Variants in RNF180 observed in about 807,000 individuals in gnomAD.
The protein encoded by RNF180 is ring finger protein 180.
RNF180 carries 38 observed loss-of-function variants against 59.2 expected under a neutral mutation model. That is an observed-to-expected ratio of 0.64 (90% CI 0.50 to 0.84). The LOEUF is 0.84. Among genes scored for constraint, RNF180 ranks in the 40% least tolerant of loss-of-function variants. The pLI, the probability that RNF180 is intolerant of heterozygous loss-of-function variation, is 0.00. For synonymous variants in RNF180, 262 were observed against 240.3 expected (o/e 1.09, Z -0.84); for missense variants, 705 against 700.9 (o/e 1.01, Z -0.07).
intron 5 of RNF180, among the ~76,000 whole-genome samples, chr5:64,250,571 A>G (rs1287655822): frequency 6.6e-6 from 1 of 152,150 alleles, no homozygotes; most frequent in Non-Finnish European, 1.5e-5. Flanking sequence ...CAGAAATGAA[A>G]AAGGAGATAT....
rs143631076 is a variant in RNF180 at position 64,287,216 on chromosome 5, C to T, written c.1228-37970C>T. Reference sequence around the variant, plus strand: ...TCCTGACCTCATGATCCACCCACTTCGGCCTCCCAAAGTGCTGGGATTACA... The same window carrying T: ...TCCTGACCTCATGATCCACCCACTTTGGCCTCCCAAAGTGCTGGGATTACA... On this transcript the variant is annotated intron_variant, in intron 5 of 7. Coordinates refer to ENST00000389100, the MANE Select transcript of RNF180 (RefSeq NM_001113561.2). Among the ~76,000 whole-genome samples, 897 of 152,266 alleles carry T rather than the reference C, an allele frequency of 5.9e-3. 18 individuals are homozygous for T. The highest frequency in any genetic ancestry group is 0.042 in the East Asian group (220 of 5,178).
intron 7 of RNF180, among the ~76,000 whole-genome samples, chr5:64,352,918 C>A (rs1010082661): frequency 6.6e-6 from 1 of 151,818 alleles, no homozygotes; most frequent in African/African-American, 2.4e-5. Context: ...AAAGCTACGG[C>A]CTTCTTTTTT....
chr5:64,355,073 C>A (rs1283725134), intron 7 of RNF180, among the ~76,000 whole-genome samples: 1 of 151,854 alleles, frequency 6.6e-6, no homozygotes, highest in Non-Finnish European at 1.5e-5. Flanking sequence ...CTAGCTGGAA[C>A]AATTTGATTT....
Position 64,238,855 on chromosome 5 carries a change from A to AT in RNF180, c.1227+21464dup, listed in dbSNP as rs1742608425. 2.6e-5 allele frequency among the ~76,000 whole-genome samples: 4 copies of AT among 152,018 alleles called. No homozygotes were observed. In the East Asian group the frequency reaches 7.8e-4, roughly 29 times the overall value. ...TGAGTTTGATTAGTCCCACTTATTTATTTTTGTTTCTGTTGCCCATGCTTT... is the reference window on the plus strand; with the variant it reads ...TGAGTTTGATTAGTCCCACTTATTTATTTTTTGTTTCTGTTGCCCATGCTTT... On this transcript the variant is annotated intron_variant, in intron 5 of 7. Transcript: ENST00000389100.
intron 5 of RNF180, among the ~76,000 whole-genome samples, chr5:64,305,064 A>G (rs149453928): frequency 6.6e-6 from 1 of 151,812 alleles, no homozygotes; most frequent in East Asian, 1.9e-4. Context: ...AAGCATGTAC[A>G]TTAGTTTTGT....
intron 1 of RNF180, among the ~76,000 whole-genome samples, chr5:64,188,010 C>T (rs1354273903): frequency 1.3e-5 from 2 of 152,126 alleles, no homozygotes; most frequent in African/African-American, 4.8e-5. Flanking sequence ...GATTTGGACT[C>T]CTTTTATTTC....
intron 5 of RNF180, among the ~76,000 whole-genome samples, chr5:64,318,057 A>G (rs1744157535): frequency 6.6e-6 from 1 of 152,206 alleles, no homozygotes; most frequent in Non-Finnish European, 1.5e-5. Flanking sequence ...CTGAATGCAT[A>G]TAATTTTCAC....
chr5:64,244,519 G>A (rs1185804807), intron 5 of RNF180, among the ~76,000 whole-genome samples: 2 of 152,048 alleles, frequency 1.3e-5, no homozygotes, highest in Non-Finnish European at 2.9e-5. Flanking sequence ...ATGAAATAAG[G>A]TATGAAGACA....
At chr5:64,192,528 T>G (rs1477409303) in intron 1 of RNF180, among the ~76,000 whole-genome samples, 1 of 151,818 alleles carries the variant, frequency 6.6e-6, no homozygotes, top group Admixed American at 6.6e-5. Flanking sequence ...AAAAATTACC[T>G]GGGCGTGGTG....
At chr5:64,317,708 G>A (rs1744130187) in intron 5 of RNF180, among the ~76,000 whole-genome samples, 1 of 151,590 alleles carries the variant, frequency 6.6e-6, no homozygotes, top group Admixed American at 6.6e-5. Flanking sequence ...GATGCCTGAA[G>A]CAGCAGGTAG....
intron 5 of RNF180, among the ~76,000 whole-genome samples, chr5:64,268,547 A>G (rs1744819847): frequency 6.6e-6 from 1 of 152,168 alleles, no homozygotes; most frequent in Non-Finnish European, 1.5e-5. Flanking sequence ...TTCTAATACT[A>G]CCAGCTAAGT....
intron 5 of RNF180, among the ~76,000 whole-genome samples, chr5:64,302,717 C>G (rs892738482): frequency 6.6e-6 from 1 of 151,564 alleles, no homozygotes; most frequent in Non-Finnish European, 1.5e-5. Flanking sequence ...TAATTGCTGG[C>G]CTGTTAAACT....
intron 5 of RNF180, among the ~76,000 whole-genome samples, chr5:64,239,920 A>C (rs895631424): frequency 1.3e-5 from 2 of 152,112 alleles, no homozygotes; most frequent in African/African-American, 4.8e-5. Context: ...TACCTTTCCA[A>C]ATCTTTAATT....
In RNF180 at chr5:64,214,437, A is replaced by G. The variant is rs969155266; in HGVS notation, c.1111A>G (p.Arg371Gly). ...ANFSLGSINQ[R>G]LNKRERSKLK... ...TTTTTCATTGGGCAGCATTAATCAG[A>G]GGCTTAATAAGAGAGAAAGGAGCAA... The change falls in exon 4 of 8, where the codon AGG becomes GGG. Residue 371 changes from arginine (R) to glycine (G), a missense_variant. By Grantham distance (125) the Arg-to-Gly change is moderately radical. Coordinates refer to ENST00000389100, the MANE Select transcript of RNF180 (RefSeq NM_001113561.2). 2.5e-6 allele frequency: 4 copies of G among 1,613,710 alleles called. No homozygotes were observed. Among genetic ancestry groups the G allele is most frequent in the Non-Finnish European group, 2.5e-6 (3 of 1,179,760 alleles).
chr5:64,218,849 T>C (rs1752765100), intron 5 of RNF180, among the ~76,000 whole-genome samples: 1 of 152,224 alleles, frequency 6.6e-6, no homozygotes, highest in South Asian at 2.1e-4. Context: ...TTTTTTTGAC[T>C]CACAATTATA....
At chr5:64,259,345 A>AT (rs1378183325) in intron 5 of RNF180, among the ~76,000 whole-genome samples, 1 of 152,172 alleles carries the variant, frequency 6.6e-6, no homozygotes, top group Non-Finnish European at 1.5e-5. Flanking sequence ...AGAGCAAAGT[A>AT]TGAGGGTGAT....
chr5:64,350,315 C>T (rs931386823), intron 7 of RNF180, among the ~76,000 whole-genome samples: 2 of 151,884 alleles, frequency 1.3e-5, no homozygotes, highest in African/African-American at 4.8e-5. Flanking sequence ...GGATATTAGC[C>T]CTTTGTCAGA....
chr5:64,238,406 C>A (rs905406577), intron 5 of RNF180, among the ~76,000 whole-genome samples: 2 of 152,070 alleles, frequency 1.3e-5, no homozygotes, highest in Admixed American at 6.5e-5. Context: ...TATTTAAAGA[C>A]CCTTTATACT....
intron 7 of RNF180, among the ~76,000 whole-genome samples, chr5:64,349,342 CTTTTG>C (rs1029711843): frequency 7.5e-5 from 11 of 147,478 alleles, no homozygotes; most frequent in South Asian, 2.1e-4. Flanking sequence ...TTTATTGATA[CTTTTG>C]TTTTAATAAA....
Sources: allele counts gnomAD v4.1 joint callset (sites outside exome capture counted in the v4.1 genomes callset), GRCh38; gene constraint gnomAD v4.1.1; transcripts MANE v1.5; gene names NCBI Gene and HGNC (gene_info 2026-07-23, HGNC 2026-07-21).